The following ROBO2 variants were observed in gnomAD, a reference collection of about 807,000 sequenced individuals.
ROBO2 encodes roundabout homolog 2.
ROBO2 carries 53 observed loss-of-function variants against 160.8 expected under a neutral mutation model. The observed-to-expected ratio is 0.33, with a 90% confidence interval of 0.26 to 0.41. ROBO2 has a LOEUF of 0.41. ROBO2 is among the 10% of genes least tolerant of loss of function. The pLI is 1.00. For missense variants in ROBO2, 1,577 were observed against 1,722.4 expected, an observed-to-expected ratio of 0.92 and a Z score of 1.49; for synonymous variants, 664 against 611.7, an observed-to-expected ratio of 1.09 and a Z score of -1.26.
At chr3:76,969,256 G>T (rs957435630) in intron 2 of ROBO2, among the ~76,000 whole-genome samples, 2 of 152,114 alleles carry the variant, frequency 1.3e-5, no homozygotes, top group African/African-American at 4.8e-5. Flanking sequence ...GATTCCTTAT[G>T]AAAAATAATG....
At chr3:77,482,359 G>A (rs1458450090) in intron 4 of ROBO2, among the ~76,000 whole-genome samples, 4 of 152,090 alleles carry the variant, frequency 2.6e-5, no homozygotes, top group Admixed American at 6.6e-5. Context: ...CTTGGGAGAC[G>A]CCATCCCAAG....
chr3:76,239,263 G>A (rs2107507177), intron 2 of ROBO2, among the ~76,000 whole-genome samples: 1 of 151,842 alleles, frequency 6.6e-6, no homozygotes, highest in Non-Finnish European at 1.5e-5. Flanking sequence ...TAATTCCAAT[G>A]GATACTACTA....
chr3:76,283,304 C>G (rs1033722958), intron 2 of ROBO2, among the ~76,000 whole-genome samples: 1 of 150,678 alleles, frequency 6.6e-6, no homozygotes, highest in African/African-American at 2.4e-5. Flanking sequence ...AGTTTCTTAC[C>G]CACCTATTTA....
At chr3:77,219,925 T>C (rs1346170538) in intron 2 of ROBO2, among the ~76,000 whole-genome samples, 1 of 151,360 alleles carries the variant, frequency 6.6e-6, no homozygotes, top group African/African-American at 2.4e-5. Flanking sequence ...ATGGAAACAA[T>C]GACATATCCA....
At chr3:76,855,731 C>T (rs1181658880) in intron 2 of ROBO2, among the ~76,000 whole-genome samples, 2 of 152,030 alleles carry the variant, frequency 1.3e-5, no homozygotes, top group East Asian at 1.9e-4. Context: ...ATTTAATTTC[C>T]ATCAAGAATA....
At chr3:76,221,431 AC>A (rs1288654120) in intron 2 of ROBO2, among the ~76,000 whole-genome samples, 1 of 151,830 alleles carries the variant, frequency 6.6e-6, no homozygotes, top group East Asian at 1.9e-4. Flanking sequence ...CAAGTGGGTA[AC>A]TCAGGGTGAC....
At chr3:76,167,535 C>A (rs573041735) in intron 2 of ROBO2, among the ~76,000 whole-genome samples, 65 of 152,226 alleles carry the variant, frequency 4.3e-4, no homozygotes, top group Middle Eastern at 3.4e-3. Flanking sequence ...TCATGCACGT[C>A]ATGCATGCAT....
chr3:76,321,993 G>A (rs1362910250), intron 2 of ROBO2, among the ~76,000 whole-genome samples: 1 of 151,834 alleles, frequency 6.6e-6, no homozygotes, highest in Non-Finnish European at 1.5e-5. Context: ...ACAGAATCAT[G>A]TGCTAGAATA....
intron 2 of ROBO2, among the ~76,000 whole-genome samples, chr3:76,590,402 G>A (rs996840993): frequency 6.6e-6 from 1 of 151,982 alleles, no homozygotes; most frequent in African/African-American, 2.4e-5. Flanking sequence ...ATTACCCATA[G>A]TGCCTCAGTT....
exon 1 of ROBO2, chr3:77,040,797 G>A (rs767861919): frequency 6.2e-7 from 1 of 1,613,946 alleles, no homozygotes; most frequent in Non-Finnish European, 8.5e-7. Flanking sequence ...TGAGTCTGCT[G>A]ATGTTTACAC....
At chr3:76,079,906 T>C (rs2068766336) in intron 2 of ROBO2, among the ~76,000 whole-genome samples, 1 of 152,110 alleles carries the variant, frequency 6.6e-6, no homozygotes, top group South Asian at 2.1e-4. Context: ...ACTAAAAATC[T>C]TGTAATCTGG....
At chr3:77,026,233 T>C (rs569813127) in intron 2 of ROBO2, among the ~76,000 whole-genome samples, 2 of 152,318 alleles carry the variant, frequency 1.3e-5, no homozygotes, top group South Asian at 4.1e-4. Context: ...GATATACGTA[T>C]CTGTATTATT....
chr3:77,282,960 T>C (rs9827759), intron 2 of ROBO2, among the ~76,000 whole-genome samples: 56 of 134,332 alleles, frequency 4.2e-4, no homozygotes, highest in Admixed American at 8.2e-4. Context: ...CTTCTGCTTT[T>C]AAAAAAAAAA....
At chr3:76,539,557 A>G (rs754048359) in intron 2 of ROBO2, among the ~76,000 whole-genome samples, 3 of 152,070 alleles carry the variant, frequency 2.0e-5, no homozygotes, top group African/African-American at 4.8e-5. Flanking sequence ...AAATATTTAA[A>G]CCATTGGAAA....
intron 2 of ROBO2, among the ~76,000 whole-genome samples, chr3:77,302,637 G>A (rs1021089873): frequency 6.6e-6 from 1 of 152,092 alleles, no homozygotes; most frequent in Admixed American, 6.6e-5. Context: ...TATTTAACAT[G>A]TTCCAGCTCA....
intron 2 of ROBO2, among the ~76,000 whole-genome samples, chr3:76,472,063 ATGTGTGTGTGTGTG>A (rs57259386): frequency 1.4e-3 from 194 of 137,940 alleles, no homozygotes; most frequent in Non-Finnish European, 2.4e-3. Context: ...GTCTGATAAA[ATGTGTGTGTGTGTG>A]TGTGTGTGTG....
intron 2 of ROBO2, among the ~76,000 whole-genome samples, chr3:76,293,816 G>T (rs1708929332): frequency 6.6e-6 from 1 of 152,150 alleles, no homozygotes; most frequent in Non-Finnish European, 1.5e-5. Flanking sequence ...CCGTTCTATT[G>T]TCCCAAGTTT....
At chr3:77,316,949 A>T in intron 2 of ROBO2, 1 of 1,324,526 alleles carries the variant, frequency 7.5e-7, no homozygotes, top group Non-Finnish European at 1.1e-6. Context: ...GCTGTTCCGA[A>T]GCGCGTGTTA....
chr3:76,811,536 C>A (rs1376565719), intron 2 of ROBO2, among the ~76,000 whole-genome samples: 1 of 152,002 alleles, frequency 6.6e-6, no homozygotes, highest in Non-Finnish European at 1.5e-5. Context: ...CTTTATACCT[C>A]ATCCAAACTC....
Sources: gnomAD v4.1 joint callset for allele counts (sites outside exome capture counted in the v4.1 genomes callset) on GRCh38, gnomAD v4.1.1 for gene constraint, MANE v1.5 for transcripts, NCBI Gene and HGNC (gene_info 2026-07-23, HGNC 2026-07-21) for gene names.